LUZP2: variants seen among roughly 807,000 people sequenced by gnomAD.
The protein encoded by LUZP2 is leucine zipper protein 2.
In LUZP2, 52 loss-of-function variants were observed where a neutral mutation model predicts 51.6. That is an observed-to-expected ratio of 1.01 (90% CI 0.81 to 1.27). The LOEUF is 1.27. Ranked by LOEUF, LUZP2 falls within the 50% of genes most tolerant of loss-of-function variation. The pLI, the probability that LUZP2 is intolerant of heterozygous loss-of-function variation, is 0.00. For synonymous variants in LUZP2, 154 were observed against 137.3 expected (o/e 1.12, Z -0.85); for missense variants, 436 against 395.4 (o/e 1.10, Z -0.87).
Position 24,511,412 on chromosome 11 carries a change from T to TA in LUZP2, c.62+14116dup, listed in dbSNP as rs3077882. On this transcript the variant is annotated intron_variant, in intron 1 of 11. Coordinates refer to ENST00000336930, the MANE Select transcript of LUZP2 (RefSeq NM_001009909.4). ...ACAATTTTTTTAATTAATTAAAAAA[T>TA]AAAAAAAAATACAATGGCAAGATTT... 6.8e-3 allele frequency among the ~76,000 whole-genome samples: 1,024 copies of TA among 151,108 alleles called. 11 individuals carry two copies. The highest frequency in any genetic ancestry group is 0.023 in the African/African-American group (932 of 41,206).
intron 5 of LUZP2, among the ~76,000 whole-genome samples, chr11:24,790,408 C>T (rs980178740): frequency 5.9e-5 from 9 of 152,170 alleles, no homozygotes; most frequent in East Asian, 1.9e-4. Flanking sequence ...TTTTTAAACG[C>T]TTGCTTTACT....
intron 1 of LUZP2, among the ~76,000 whole-genome samples, chr11:24,608,981 G>A (rs1229478026): frequency 1.3e-5 from 2 of 152,018 alleles, no homozygotes; most frequent in Non-Finnish European, 2.9e-5. Context: ...AGGTGATAGA[G>A]GAGATTATTA....
chr11:24,669,583 T>A (rs909501499), intron 1 of LUZP2, among the ~76,000 whole-genome samples: 6 of 152,212 alleles, frequency 3.9e-5, no homozygotes, highest in Middle Eastern at 3.4e-3. Context: ...AAATGGTCAC[T>A]CTCAGATATT....
intron 1 of LUZP2, among the ~76,000 whole-genome samples, chr11:24,703,571 C>T (rs1350155183): frequency 6.6e-6 from 1 of 151,926 alleles, no homozygotes; most frequent in Non-Finnish European, 1.5e-5. Flanking sequence ...GCCTGTAATC[C>T]CAGTACTTTG....
intron 5 of LUZP2, among the ~76,000 whole-genome samples, chr11:24,831,535 A>G (rs7930770): frequency 0.58 from 88,269 of 151,554 alleles, 27,192 homozygotes; most frequent in Middle Eastern, 0.68. Context: ...AAGAAAATGT[A>G]TGAAATATAT....
chr11:24,620,894 A>C (rs1854473322), intron 1 of LUZP2, among the ~76,000 whole-genome samples: 1 of 152,212 alleles, frequency 6.6e-6, no homozygotes, highest in African/African-American at 2.4e-5. Flanking sequence ...TAAGATTATC[A>C]TGCTTGCTCC....
chr11:25,046,773 A>G (rs578115338), intron 9 of LUZP2, among the ~76,000 whole-genome samples: 1 of 152,272 alleles, frequency 6.6e-6, no homozygotes, highest in South Asian at 2.1e-4. Context: ...TATAATATAC[A>G]TTTTTTAAAA....
intron 1 of LUZP2, among the ~76,000 whole-genome samples, chr11:24,631,849 AT>A (rs1381083128): frequency 6.6e-6 from 1 of 151,910 alleles, no homozygotes; most frequent in Non-Finnish European, 1.5e-5. Flanking sequence ...TTTATTACTG[AT>A]TCAATCCTTC....
At chr11:25,002,109 C>G (rs1856699627) in intron 9 of LUZP2, among the ~76,000 whole-genome samples, 1 of 152,222 alleles carries the variant, frequency 6.6e-6, no homozygotes, top group Non-Finnish European at 1.5e-5. Flanking sequence ...TACTTTCTAT[C>G]TGTATACACA....
At chr11:24,644,819 G>A (rs1469012575) in intron 1 of LUZP2, among the ~76,000 whole-genome samples, 1 of 152,118 alleles carries the variant, frequency 6.6e-6, no homozygotes, top group Admixed American at 6.6e-5. Context: ...TTTTATTTGT[G>A]TGTTATTTAA....
chr11:24,668,456 A>C (rs10834419), intron 1 of LUZP2, among the ~76,000 whole-genome samples: 32,156 of 152,096 alleles, frequency 0.21, 3,720 homozygotes, highest in Admixed American at 0.31. Flanking sequence ...GACATGCTGA[A>C]AGGTCTAGAA....
chr11:25,040,341 C>A, intron 9 of LUZP2, among the ~76,000 whole-genome samples: 1 of 37,812 alleles, frequency 2.6e-5, no homozygotes, highest in Non-Finnish European at 4.0e-5. Flanking sequence ...TCTTTCTTTC[C>A]GATTTTTTTT....
At chr11:24,780,115 A>T (rs903755959) in intron 5 of LUZP2, among the ~76,000 whole-genome samples, 7 of 152,144 alleles carry the variant, frequency 4.6e-5, no homozygotes, top group Non-Finnish European at 1.0e-4. Flanking sequence ...TGGTAATTTA[A>T]TTAGGAAACT....
At chr11:24,642,724 C>T (rs1855332450) in intron 1 of LUZP2, among the ~76,000 whole-genome samples, 1 of 151,900 alleles carries the variant, frequency 6.6e-6, no homozygotes, top group African/African-American at 2.4e-5. Context: ...ACAGGGGAGA[C>T]AGACTGGGCA....
rs78110256 is a variant in LUZP2, at chr11:24,545,969, T to C, written c.62+48664T>C. Among the ~76,000 whole-genome samples, 538 of 152,164 alleles carry C rather than the reference T, an allele frequency of 3.5e-3. 22 individuals are homozygous for C. In the East Asian group the frequency reaches 0.076, roughly 22 times the overall value. On this transcript the variant is annotated intron_variant, in intron 1 of 11. Coordinates refer to ENST00000336930, the MANE Select transcript of LUZP2 (RefSeq NM_001009909.4). ...ATTTCTGATTTCTTTGAGCAGTGCTTTGCAGGTCTCCTTGTAGAGATTTTT... is the reference window on the plus strand; with the variant it reads ...ATTTCTGATTTCTTTGAGCAGTGCTCTGCAGGTCTCCTTGTAGAGATTTTT...
chr11:24,619,711 A>G (rs1387504926), intron 1 of LUZP2, among the ~76,000 whole-genome samples: 2 of 152,190 alleles, frequency 1.3e-5, no homozygotes, highest in Non-Finnish European at 2.9e-5. Context: ...GCATATATCT[A>G]TGTATATGAT....
intron 7 of LUZP2, among the ~76,000 whole-genome samples, chr11:24,975,678 G>T (rs1450886803): frequency 6.6e-6 from 1 of 152,070 alleles, no homozygotes. Flanking sequence ...GCCATCTCTA[G>T]TTTAGAAAAG....
At chr11:24,826,602 C>T (rs990251869) in intron 5 of LUZP2, among the ~76,000 whole-genome samples, 2 of 150,842 alleles carry the variant, frequency 1.3e-5, no homozygotes, top group Admixed American at 1.3e-4. Context: ...TCAGCAGCAA[C>T]TTAAATAATA....
chr11:24,548,754 G>T (rs1402455200), intron 1 of LUZP2, among the ~76,000 whole-genome samples: 1 of 151,770 alleles, frequency 6.6e-6, no homozygotes, highest in Non-Finnish European at 1.5e-5. Flanking sequence ...TAACATGAAG[G>T]GAGAAGTTTT....
Sources: gnomAD v4.1 joint callset for allele counts (sites outside exome capture counted in the v4.1 genomes callset) on GRCh38, gnomAD v4.1.1 for gene constraint, MANE v1.5 for transcripts, NCBI Gene and HGNC (gene_info 2026-07-23, HGNC 2026-07-21) for gene names.